Variants in UBE2K observed in about 807,000 individuals in gnomAD.
UBE2K encodes ubiquitin-conjugating enzyme E2 K.
Under a neutral mutation model 30.0 loss-of-function variants are expected in UBE2K, and 6 were observed. The observed-to-expected ratio is 0.20, with a 90% CI of 0.11 to 0.39. The LOEUF (loss-of-function observed/expected upper bound fraction) is 0.39. Ranked by LOEUF, UBE2K falls within the 10% of genes least tolerant of loss-of-function variation. UBE2K has a pLI of 1.00. For synonymous variants in UBE2K, 86 were observed against 83.7 expected, an observed-to-expected ratio of 1.03 and a Z score of -0.15; for missense variants, 61 against 241.6, an observed-to-expected ratio of 0.25 and a Z score of 4.96.
At chr4:39,714,994 G>A (rs918216348) in intron 1 of UBE2K, among the ~76,000 whole-genome samples, 2 of 151,260 alleles carry the variant, frequency 1.3e-5, no homozygotes, top group African/African-American at 4.9e-5. Context: ...GAGTAGCTGG[G>A]ACTACAGGTA....
chr4:39,773,688 G>A (rs539087392), intron 4 of UBE2K, among the ~76,000 whole-genome samples: 71 of 151,552 alleles, frequency 4.7e-4, no homozygotes, highest in African/African-American at 1.6e-3. Flanking sequence ...TTGGGAGGCC[G>A]AGGCGGGCGG....
intron 2 of UBE2K, among the ~76,000 whole-genome samples, chr4:39,739,221 C>T (rs904482650): frequency 3.3e-5 from 5 of 150,334 alleles, no homozygotes; most frequent in African/African-American, 9.8e-5. Flanking sequence ...TTAGTAGAGA[C>T]GGTGTTTCAC....
chr4:39,712,159 C>G (rs1578421467), intron 1 of UBE2K, among the ~76,000 whole-genome samples: 1 of 141,716 alleles, frequency 7.1e-6, no homozygotes, highest in African/African-American at 2.6e-5. Context: ...GAGTCTCACT[C>G]TGTTGCCCAG....
rs1224879371 is a variant in UBE2K, at chr4:39,782,702, T to TA, written c.*4274dup. ...ACACTTTTGTACACAACTGATTTTT[T>TA]AAAAAATAAACACATTTTTAAAGAT... On this transcript the variant is annotated 3_prime_UTR_variant, in exon 7 of 7. Transcript: ENST00000261427. The TA allele has an allele frequency of 6.6e-6, 1 of 152,216 alleles. No individual in the cohort carries two copies. The highest frequency in any genetic ancestry group is 1.5e-5 in the Non-Finnish European group (1 of 68,034). 9.4% of individuals were successfully genotyped at this position (152,216 alleles called of 1,614,324 possible).
chr4:39,752,041 C>T (rs1051735833), intron 3 of UBE2K, among the ~76,000 whole-genome samples: 2 of 152,158 alleles, frequency 1.3e-5, no homozygotes, highest in Non-Finnish European at 2.9e-5. Context: ...TTGACTGAAC[C>T]GTAATCCTTC....
chr4:39,702,782 AT>A (rs1182875716), intron 1 of UBE2K, among the ~76,000 whole-genome samples: 2 of 149,926 alleles, frequency 1.3e-5, no homozygotes, highest in African/African-American at 4.9e-5. Context: ...TAGACCATGG[AT>A]TTTTTAACCT....
At chr4:39,701,800 G>A (rs986589920) in intron 1 of UBE2K, among the ~76,000 whole-genome samples, 3 of 148,506 alleles carry the variant, frequency 2.0e-5, no homozygotes, top group African/African-American at 2.5e-5. Context: ...TCGCTGTCTC[G>A]CCCAGACTGG....
intron 1 of UBE2K, among the ~76,000 whole-genome samples, chr4:39,724,716 G>A (rs1280942371): frequency 6.6e-6 from 1 of 151,454 alleles, no homozygotes; most frequent in Non-Finnish European, 1.5e-5. Context: ...GTTGCAATGA[G>A]CTGAGATGGC....
At chr4:39,755,596 A>C in intron 3 of UBE2K, 61 bp from the exon 4 acceptor site, 1 of 1,192,518 alleles carries the variant, frequency 8.4e-7, no homozygotes, top group South Asian at 1.3e-5. Context: ...ATTTTCTTGT[A>C]GTTCTACTTA....
intron 2 of UBE2K, among the ~76,000 whole-genome samples, chr4:39,745,220 CAAAT>C (rs1378796358): frequency 2.0e-5 from 3 of 152,138 alleles, no homozygotes; most frequent in African/African-American, 7.2e-5. Flanking sequence ...CAAATATTAA[CAAAT>C]AAGTATTGAC....
At chr4:39,748,636 G>T (rs1015449173) in intron 3 of UBE2K, among the ~76,000 whole-genome samples, 1 of 144,118 alleles carries the variant, frequency 6.9e-6, no homozygotes, top group Non-Finnish European at 1.5e-5. Context: ...AAAAAAAAAA[G>T]AAAAAGAAAA....
intron 1 of UBE2K, among the ~76,000 whole-genome samples, chr4:39,707,909 T>C (rs1272111693): frequency 1.3e-5 from 2 of 151,238 alleles, no homozygotes; most frequent in Admixed American, 6.6e-5. Context: ...TGCAATTTTT[T>C]TTTTCTGAGA....
intron 1 of UBE2K, among the ~76,000 whole-genome samples, chr4:39,736,710 G>C (rs959133823): frequency 3.3e-5 from 5 of 152,318 alleles, no homozygotes; most frequent in African/African-American, 1.2e-4. Flanking sequence ...ACTTGGAGTA[G>C]TTTAAAGTGC....
chr4:39,737,945 T>A (rs1184822250), intron 2 of UBE2K, among the ~76,000 whole-genome samples: 1 of 152,216 alleles, frequency 6.6e-6, no homozygotes, highest in Non-Finnish European at 1.5e-5. Context: ...CATGTCTTCA[T>A]ACAGGCTGTA....
chr4:39,752,658 C>A (rs566983310), intron 3 of UBE2K, among the ~76,000 whole-genome samples: 4 of 152,036 alleles, frequency 2.6e-5, no homozygotes, highest in Non-Finnish European at 5.9e-5. Flanking sequence ...TTATAAAATG[C>A]TGTGAATTCC....
intron 1 of UBE2K, among the ~76,000 whole-genome samples, chr4:39,729,560 T>C (rs1327424128): frequency 6.6e-6 from 1 of 152,216 alleles, no homozygotes. Context: ...CTTCTTTTCA[T>C]TGCACTGGAC....
intron 4 of UBE2K, among the ~76,000 whole-genome samples, chr4:39,758,457 C>T (rs7685348): frequency 1.3e-5 from 2 of 152,162 alleles, no homozygotes; most frequent in African/African-American, 2.4e-5. Flanking sequence ...GTGGGCAGAT[C>T]GCTTGAGGTC....
intron 1 of UBE2K, among the ~76,000 whole-genome samples, chr4:39,703,844 C>CAAAAAAAA (rs33995934): frequency 1.9e-5 from 2 of 105,266 alleles, no homozygotes; most frequent in Admixed American, 1.1e-4. Context: ...GACTCCATCT[C>CAAAAAAAA]AAAAAAAAAA....
chr4:39,771,651 C>G (rs1375669118), intron 4 of UBE2K, among the ~76,000 whole-genome samples: 1 of 152,034 alleles, frequency 6.6e-6, no homozygotes, highest in East Asian at 1.9e-4. Flanking sequence ...GCGGCTCGTG[C>G]GGTGTGTTCC....
Sources: allele counts gnomAD v4.1 joint callset (sites outside exome capture counted in the v4.1 genomes callset), GRCh38; gene constraint gnomAD v4.1.1; transcripts MANE v1.5; gene names NCBI Gene and HGNC (gene_info 2026-07-23, HGNC 2026-07-21).